The following PAK3 variants were observed in gnomAD, a reference collection of about 807,000 sequenced individuals.
PAK3 encodes the protein serine/threonine-protein kinase PAK 3.
PAK3 carries 4 observed loss-of-function variants against 41.0 expected under a neutral mutation model. That is an observed-to-expected ratio of 0.10 (90% CI 0.05 to 0.22). The LOEUF (loss-of-function observed/expected upper bound fraction) is 0.22, where lower values mean the gene tolerates loss of function less well. Among genes scored for constraint, PAK3 ranks in the 10% least tolerant of loss-of-function variants. The probability of loss-of-function intolerance (pLI) is 1.00; values close to 1 mark genes in which losing one functional copy is unlikely to be tolerated. For synonymous variants in PAK3, 146 were observed against 139.6 expected, an observed-to-expected ratio of 1.05 and a Z score of -0.32; for missense variants, 205 against 409.9, an observed-to-expected ratio of 0.50 and a Z score of 4.32.
At chrX:110,996,076 A>G (rs1184243619) in intron 1 of PAK3, among the ~76,000 whole-genome samples, 1 of 111,888 alleles carries the variant, frequency 8.9e-6, no homozygotes, top group East Asian at 2.8e-4. Context: ...GCATTAAAAA[A>G]CAAAACAATG....
At chrX:111,202,597 C>T (rs889836563) in intron 16 of PAK3, among the ~76,000 whole-genome samples, 2 of 111,943 alleles carry the variant, frequency 1.8e-5, no homozygotes, top group African/African-American at 6.5e-5. Context: ...TAATTGAAGA[C>T]TTTAAACAAC....
At chrX:111,151,860 C>T (rs180886836) in intron 7 of PAK3, among the ~76,000 whole-genome samples, 10 of 112,015 alleles carry the variant, frequency 8.9e-5, no homozygotes, top group African/African-American at 3.2e-4. Context: ...GATAACCAAA[C>T]TGGCTATTAA....
chrX:110,976,817 A>G (rs1352370224), intron 1 of PAK3, among the ~76,000 whole-genome samples: 4 of 111,089 alleles, frequency 3.6e-5, no homozygotes, highest in African/African-American at 1.3e-4. Flanking sequence ...AGGGACATGG[A>G]TAAAACTGGA....
At chrX:110,960,344 G>A (rs2090952745) in intron 1 of PAK3, among the ~76,000 whole-genome samples, 1 of 112,107 alleles carries the variant, frequency 8.9e-6, no homozygotes, top group Non-Finnish European at 1.9e-5. Flanking sequence ...CAGAGGATGA[G>A]GGAATGCTGG....
intron 17 of PAK3, 37 bp from the exon 18 acceptor site, chrX:111,220,321 G>T: frequency 4.5e-6 from 4 of 897,317 alleles, no homozygotes; most frequent in South Asian, 4.1e-5. Context: ...TTGGAGGAAA[G>T]AATTCCAATA....
chrX:111,128,122 C>T (rs185493776), intron 5 of PAK3, among the ~76,000 whole-genome samples: 3 of 112,072 alleles, frequency 2.7e-5, no homozygotes, highest in African/African-American at 9.7e-5. Flanking sequence ...TTAGAGGTGA[C>T]GTGTTCTGTG....
intron 11 of PAK3, among the ~76,000 whole-genome samples, chrX:111,183,307 A>T (rs929856930): frequency 2.7e-5 from 3 of 111,721 alleles, no homozygotes; most frequent in African/African-American, 9.7e-5. Context: ...CAATAAGTGA[A>T]ATAGCCTTTT....
chrX:110,974,938 C>G (rs2091295684), intron 1 of PAK3, among the ~76,000 whole-genome samples: 2 of 111,844 alleles, frequency 1.8e-5, no homozygotes, highest in South Asian at 7.6e-4. Flanking sequence ...TCTCAATAAA[C>G]TAGGTATTGA....
intron 1 of PAK3, among the ~76,000 whole-genome samples, chrX:110,997,099 C>T (rs1256804348): frequency 9.0e-6 from 1 of 111,258 alleles, no homozygotes; most frequent in African/African-American, 3.3e-5. Flanking sequence ...AAGACTGTAT[C>T]ATACCTAGTA....
intron 1 of PAK3, among the ~76,000 whole-genome samples, chrX:110,969,710 C>T (rs1300014594): frequency 9.0e-6 from 1 of 111,417 alleles, no homozygotes; most frequent in African/African-American, 3.3e-5. Flanking sequence ...TCTATCCTTC[C>T]ACCAATACAA....
At chrX:111,087,170 T>G (rs989257756) in intron 1 of PAK3, among the ~76,000 whole-genome samples, 4 of 99,091 alleles carry the variant, frequency 4.0e-5, no homozygotes, top group African/African-American at 1.5e-4. Flanking sequence ...TGTGTGTGTG[T>G]GGCAGGGTTT....
chrX:111,019,907 C>CA (rs1489419155), intron 1 of PAK3, among the ~76,000 whole-genome samples: 3 of 110,951 alleles, frequency 2.7e-5, no homozygotes, highest in African/African-American at 9.8e-5. Flanking sequence ...CACAAACACA[C>CA]AAAAAATAAC....
chrX:111,160,661 C>T (rs888344334), intron 8 of PAK3, among the ~76,000 whole-genome samples: 3 of 110,567 alleles, frequency 2.7e-5, no homozygotes, highest in Non-Finnish European at 5.7e-5. Context: ...GTTCCCCTTC[C>T]TGTGTCCATG....
At chrX:110,998,856 G>A (rs755841432) in intron 1 of PAK3, among the ~76,000 whole-genome samples, 1 of 112,305 alleles carries the variant, frequency 8.9e-6, no homozygotes, top group East Asian at 2.8e-4. Flanking sequence ...AGAAATACTA[G>A]CAGGATAGAG....
chrX:111,097,160 A>T (rs2093017990), intron 1 of PAK3, among the ~76,000 whole-genome samples: 1 of 107,785 alleles, frequency 9.3e-6, no homozygotes, highest in Admixed American at 9.9e-5. Context: ...TGTTCCCCTT[A>T]GCTCGCTGGG....
At chrX:111,147,208 G>A (rs773610118) in intron 6 of PAK3, among the ~76,000 whole-genome samples, 1 of 111,361 alleles carries the variant, frequency 9.0e-6, no homozygotes, top group Non-Finnish European at 1.9e-5. Flanking sequence ...ATAGTAAAGC[G>A]CTAGACCCAA....
chrX:111,175,452 CTT>C (rs1254244143), intron 11 of PAK3, among the ~76,000 whole-genome samples: 2 of 111,711 alleles, frequency 1.8e-5, no homozygotes, highest in Non-Finnish European at 3.8e-5. Flanking sequence ...CTTTTAAAAA[CTT>C]TATGTAACTC....
At chrX:111,207,172 G>A (rs1269495293) in intron 16 of PAK3, among the ~76,000 whole-genome samples, 1 of 105,962 alleles carries the variant, frequency 9.4e-6, no homozygotes. Flanking sequence ...ACATATATAT[G>A]TGTGTATATA....
At chrX:111,139,521 T>A (rs1169010642) in intron 5 of PAK3, among the ~76,000 whole-genome samples, 1 of 112,133 alleles carries the variant, frequency 8.9e-6, no homozygotes, top group African/African-American at 3.2e-5. Context: ...AGGCCTTGCT[T>A]CTTCTCTAAT....
Sources: allele counts gnomAD v4.1 joint callset (sites outside exome capture counted in the v4.1 genomes callset), GRCh38; gene constraint gnomAD v4.1.1; transcripts MANE v1.5; gene names NCBI Gene and HGNC (gene_info 2026-07-23, HGNC 2026-07-21).